MTA1: variants seen among roughly 807,000 people sequenced by gnomAD.
The protein encoded by MTA1 is metastasis associated 1.
In MTA1, 15 loss-of-function variants were observed where a neutral mutation model predicts 97.0. The ratio of observed to expected loss-of-function variants is 0.15; its 90% CI spans 0.10 to 0.24. MTA1 has a LOEUF of 0.24. Among genes scored for constraint, MTA1 ranks in the 10% least tolerant of loss-of-function variants. The pLI, the probability that MTA1 is intolerant of heterozygous loss-of-function variation, is 1.00. For missense variants in MTA1, 709 were observed against 1,015.1 expected, an observed-to-expected ratio of 0.70 and a Z score of 4.10; for synonymous variants, 435 against 417.5, an observed-to-expected ratio of 1.04 and a Z score of -0.51.
chr14:105,429,978 A>T (rs1467996343), intron 1 of MTA1, among the ~76,000 whole-genome samples: 1 of 147,976 alleles, frequency 6.8e-6, no homozygotes, highest in Non-Finnish European at 1.5e-5. Context: ...GCTGGTCTCA[A>T]ACTCCTGACC....
At chr14:105,433,992 T>C (rs1555423904) in intron 1 of MTA1, among the ~76,000 whole-genome samples, 2 of 152,148 alleles carry the variant, frequency 1.3e-5, no homozygotes. Flanking sequence ...CACACCTGGC[T>C]AATTTTTTGT....
At position 105,420,133 on chromosome 14, in the gene MTA1, C is replaced by T; in HGVS notation, c.28+70C>T. The T allele has an allele frequency of 5.0e-6, 4 of 801,128 alleles. No homozygotes were observed. Among genetic ancestry groups the T allele is most frequent in the Non-Finnish European group, 6.1e-6 (4 of 658,322 alleles). 49.6% of individuals were successfully genotyped at this position (801,128 alleles called of 1,614,324 possible). A position where few individuals can be genotyped will look rare whatever the true frequency, so the allele number is the denominator to read the frequency against. Reference sequence around the variant, plus strand: ...CCCCCACCCGCCGCCGCTGCCGCCTCCCCCGCCCCTCTGCCCCGCAGGCCC... The same window carrying T: ...CCCCCACCCGCCGCCGCTGCCGCCTTCCCCGCCCCTCTGCCCCGCAGGCCC... On this transcript the variant is annotated intron_variant, in intron 1 of 20. Transcript: ENST00000331320. This position sits in a 1 kb window ranked among gnomAD's most constrained non-coding sequence, Gnocchi z 5.3.
At chr14:105,458,151 TG>T (rs1448462743) in intron 7 of MTA1, 118 bp from the exon 8 acceptor site, 25 of 766,858 alleles carry the variant, frequency 3.3e-5, no homozygotes, top group Non-Finnish European at 5.3e-5. Context: ...GCCTCACCTA[TG>T]GGGCCCTGCA....
intron 8 of MTA1, 58 bp from the exon 9 acceptor site, chr14:105,460,300 T>A: frequency 6.7e-7 from 1 of 1,488,800 alleles, no homozygotes; most frequent in Non-Finnish European, 9.1e-7. Context: ...GGGAGCGGTG[T>A]GCCTGTGGGG....
At chr14:105,425,612 C>T (rs909768745) in intron 1 of MTA1, among the ~76,000 whole-genome samples, 13 of 152,266 alleles carry the variant, frequency 8.5e-5, no homozygotes, top group East Asian at 3.9e-4. Flanking sequence ...TGTCTTTCCT[C>T]GTGTGCTACC....
At chr14:105,449,077 A>C in intron 3 of MTA1, 1 of 419,272 alleles carries the variant, frequency 2.4e-6, no homozygotes. Context: ...GCCCCAGTGG[A>C]GTGGGGGCAG....
chr14:105,447,725 G>A (rs1013446398), intron 3 of MTA1, among the ~76,000 whole-genome samples: 10 of 152,330 alleles, frequency 6.6e-5, no homozygotes, highest in African/African-American at 1.4e-4. Context: ...GGGAGCAGGC[G>A]TCATGGGTGA....
chr14:105,466,599 G>C, intron 17 of MTA1, 21 bp downstream of exon 17: 3 of 1,568,552 alleles, frequency 1.9e-6, no homozygotes, highest in South Asian at 1.2e-5. Context: ...CCCCCGCCCG[G>C]TGAGTGTGGC....
At chr14:105,458,224 G>C in intron 7 of MTA1, 46 bp from the exon 8 acceptor site, 1 of 1,555,544 alleles carries the variant, frequency 6.4e-7, no homozygotes, top group Non-Finnish European at 8.8e-7. Context: ...GCGGCCCGGC[G>C]CGCCGTGGGA....
intron 6 of MTA1, among the ~76,000 whole-genome samples, chr14:105,453,043 G>A (rs1445414024): frequency 6.6e-6 from 1 of 152,264 alleles, no homozygotes; most frequent in Non-Finnish European, 1.5e-5. Flanking sequence ...GGACAGGCCT[G>A]CTTCAAAAAT....
At chr14:105,469,427 C>T (rs782198295) in intron 18 of MTA1, 40 bp from the exon 19 acceptor site, 1 of 1,610,722 alleles carries the variant, frequency 6.2e-7, no homozygotes, top group South Asian at 1.1e-5. Context: ...GCAGGACGCG[C>T]TCTCTCGGGG....
rs377124229 is a variant in MTA1 at position 105,470,086 on chromosome 14, A to G, written c.2019A>G (p.Ser673=). 3 of 1,612,540 alleles carry G rather than the reference A, an allele frequency of 1.9e-6. No individual in the cohort carries two copies. Among genetic ancestry groups the G allele is most frequent in the Non-Finnish European group, 2.5e-6 (3 of 1,179,846 alleles). ...ACAGGAAGATCCGCAAGCTGCTCTC[A>G]TCCTCGGAAACCAAGCGTGCTGCCC... ...EETRKIRKLL[S]SSETKRAARR... The change falls in exon 21 of 21, where the codon TCA becomes TCG. Residue 673 remains serine, a synonymous_variant. Transcript: ENST00000331320.
chr14:105,466,432 A>ACCCCCCCCCCCCCCACC lies in MTA1; in HGVS notation c.1636_1637insCCCCCCCCCACCCCCCC (p.Arg546ProfsTer14). On this transcript the variant is annotated frameshift_variant, in exon 17 of 21. Transcript: ENST00000331320. LOFTEE classifies it high-confidence loss of function. ...CCTGTGTCATTCCCGGCAGAGACCC[A>ACCCCCCCCCCCCCCACC]CCCCCGCCCCCCCAAGCCTGACCCC... is the stretch of plus-strand genomic sequence containing the variant. 1.4e-6 allele frequency: 1 copy of ACCCCCCCCCCCCCCACC among 724,486 alleles called. No individual in the cohort carries two copies. Among genetic ancestry groups the ACCCCCCCCCCCCCCACC allele is most frequent in the Non-Finnish European group, 2.3e-6 (1 of 433,682 alleles). 44.9% of individuals were successfully genotyped at this position (724,486 alleles called of 1,614,324 possible).
chr14:105,435,137 AC>A (rs2082292272), intron 1 of MTA1, among the ~76,000 whole-genome samples: 1 of 152,102 alleles, frequency 6.6e-6, no homozygotes, highest in Non-Finnish European at 1.5e-5. Flanking sequence ...CTGAGGAAGT[AC>A]CCTTTAGTTC....
chr14:105,441,466 G>C (rs1162297976), intron 2 of MTA1, among the ~76,000 whole-genome samples: 1 of 152,058 alleles, frequency 6.6e-6, no homozygotes, highest in Non-Finnish European at 1.5e-5. Context: ...GGGCGGGGGG[G>C]CTTTTAACAG....
rs1555420641 is a variant in MTA1 at position 105,420,598 on chromosome 14, G to A, written c.28+535G>A. Among the ~76,000 whole-genome samples, 1 of 152,210 alleles carries A rather than the reference G, an allele frequency of 6.6e-6. No individual in the cohort carries two copies. The highest frequency in any genetic ancestry group is 2.4e-5 in the African/African-American group (1 of 41,470). On this transcript the variant is annotated intron_variant, in intron 1 of 20. Coordinates refer to ENST00000331320, the MANE Select transcript of MTA1 (RefSeq NM_004689.4). The surrounding 1 kb of genome is among the most constrained non-coding windows in gnomAD (Gnocchi z 5.3). ...TCCCCCAGCAGGGATCCCTCAGGGG[G>A]TCTTCAGCAGGGAGCGAGCATCCCG... is the stretch of plus-strand genomic sequence containing the variant.
chr14:105,447,946 C>G (rs2082774589), intron 3 of MTA1, among the ~76,000 whole-genome samples: 1 of 152,178 alleles, frequency 6.6e-6, no homozygotes, highest in African/African-American at 2.4e-5. Flanking sequence ...CTGGCTCTCC[C>G]ACGTCACTGC....
chr14:105,467,290 G>A (rs1365812898), intron 18 of MTA1: 5 of 403,614 alleles, frequency 1.2e-5, no homozygotes, highest in African/African-American at 2.0e-5. Context: ...CTAGCATGAG[G>A]AGGCCAGGTG....
chr14:105,438,649 ACT>A lies in MTA1; in HGVS notation c.29-16_29-15del. The A allele has an allele frequency of 6.2e-7, 1 of 1,611,614 alleles. No individual in the cohort carries two copies. Reference sequence around the variant, plus strand: ...TCTGGCCTTTGGTGCCACAGGTGGCACTCTCTCTGTTGCTGTTTGCAGACTAC... The same window carrying A: ...TCTGGCCTTTGGTGCCACAGGTGGCACTCTCTGTTGCTGTTTGCAGACTAC... On this transcript the variant is annotated intron_variant, in intron 1 of 20. Transcript: ENST00000331320.
Sources: allele counts gnomAD v4.1 joint callset (sites outside exome capture counted in the v4.1 genomes callset), GRCh38; gene constraint gnomAD v4.1.1; non-coding constraint Gnocchi (gnomAD v3.1); transcripts MANE v1.5; gene names NCBI Gene and HGNC (gene_info 2026-07-23, HGNC 2026-07-21).